CACNA1C: variants seen among roughly 807,000 people sequenced by gnomAD.
The protein encoded by CACNA1C is calcium voltage-gated channel subunit alpha1 C.
Under a neutral mutation model 229.0 loss-of-function variants are expected in CACNA1C, and 30 were observed. The observed-to-expected ratio is 0.13, with a 90% CI of 0.10 to 0.18. CACNA1C has a LOEUF of 0.18. CACNA1C is among the 10% of genes least tolerant of loss of function. CACNA1C has a pLI of 1.00. For synonymous variants in CACNA1C, 1,114 were observed against 1,132.5 expected (o/e 0.98, Z 0.33); for missense variants, 1,658 against 2,845.0 (o/e 0.58, Z 9.49).
At chr12:2,254,025 G>A (rs554520264) in intron 3 of CACNA1C, among the ~76,000 whole-genome samples, 1 of 152,314 alleles carries the variant, frequency 6.6e-6, no homozygotes, top group African/African-American at 2.4e-5. Flanking sequence ...AGGACTGAGG[G>A]TGTGCTGGTG....
intron 1 of CACNA1C, among the ~76,000 whole-genome samples, chr12:2,092,495 C>T (rs1298360111): frequency 3.3e-5 from 5 of 152,124 alleles, no homozygotes; most frequent in East Asian, 3.9e-4. Flanking sequence ...GCACCCTGGA[C>T]GTGGCATTGA....
intron 9 of CACNA1C, among the ~76,000 whole-genome samples, chr12:2,525,949 A>C (rs2099817875): frequency 6.6e-6 from 1 of 152,200 alleles, no homozygotes; most frequent in Non-Finnish European, 1.5e-5. Context: ...AACAACAGAG[A>C]ATCTGCTCAA....
In CACNA1C at chr12:2,689,120, G is replaced by T. The variant is rs1462420247; in HGVS notation, c.6117+341G>T. On this transcript the variant is annotated intron_variant, in intron 46 of 46. Coordinates refer to ENST00000399655, the MANE Select transcript of CACNA1C (RefSeq NM_000719.7). The surrounding 1 kb of genome is among the most constrained non-coding windows in gnomAD (Gnocchi z 4.2). ...CCAAGGTGCTCAGGCCTGACTGCCC[G>T]TGAGCATCACCTGGGGAGCTTTGGA... 1.3e-5 allele frequency among the ~76,000 whole-genome samples: 2 copies of T among 152,172 alleles called. No homozygotes were observed. The highest frequency in any genetic ancestry group is 4.8e-5 in the African/African-American group (2 of 41,446).
chr12:2,565,648 C>T (rs370078619), intron 11 of CACNA1C, among the ~76,000 whole-genome samples: 2 of 152,246 alleles, frequency 1.3e-5, no homozygotes, highest in African/African-American at 4.8e-5. Flanking sequence ...GGGGAAGAGT[C>T]CATGGAGCAT....
At chr12:2,670,121 G>A (rs2096478816) in intron 38 of CACNA1C, among the ~76,000 whole-genome samples, 1 of 152,170 alleles carries the variant, frequency 6.6e-6, no homozygotes, top group Non-Finnish European at 1.5e-5. Context: ...CCAAATCCCT[G>A]AGCATGGGGC....
intron 11 of CACNA1C, among the ~76,000 whole-genome samples, chr12:2,561,126 G>A (rs907745483): frequency 8.5e-5 from 13 of 152,190 alleles, no homozygotes; most frequent in South Asian, 6.2e-4. Context: ...AGGGGTTCCC[G>A]TGCAGGATGG....
intron 6 of CACNA1C, among the ~76,000 whole-genome samples, chr12:2,491,555 T>C (rs2099734051): frequency 7.7e-6 from 1 of 130,396 alleles, no homozygotes; most frequent in East Asian, 2.2e-4. Flanking sequence ...ATGATGACAA[T>C]GAAGAGGAGG....
chr12:1,979,779 TTG>T, intron 1 of CACNA1C, among the ~76,000 whole-genome samples: 1 of 152,356 alleles, frequency 6.6e-6, no homozygotes, highest in East Asian at 1.9e-4. Context: ...TCATTAACAC[TTG>T]TCTTTTTAAT....
chr12:2,330,153 C>G (rs896250631), intron 3 of CACNA1C, among the ~76,000 whole-genome samples: 71 of 152,268 alleles, frequency 4.7e-4, no homozygotes, highest in Admixed American at 1.3e-3. Context: ...TGAATTGCAT[C>G]CTCCCGCCCT....
At chr12:2,385,961 T>G (rs1289349923) in intron 3 of CACNA1C, among the ~76,000 whole-genome samples, 1 of 152,198 alleles carries the variant, frequency 6.6e-6, no homozygotes, top group Non-Finnish European at 1.5e-5. Context: ...TAAATGACCA[T>G]TATTAAAAAT....
chr12:2,052,975 C>A (rs1376297522), upstream of CACNA1C: 1 of 981,712 alleles, frequency 1.0e-6, no homozygotes, highest in Admixed American at 6.3e-5. Context: ...GCGGCGCTCT[C>A]GCGCGCCCGG....
chr12:2,322,367 G>T (rs2096050058), intron 3 of CACNA1C, among the ~76,000 whole-genome samples: 1 of 152,332 alleles, frequency 6.6e-6, no homozygotes, highest in South Asian at 2.1e-4. Flanking sequence ...CCGAGGGCCT[G>T]CCCAGCACAT....
chr12:2,165,817 CTTAG>C (rs960882135), intron 3 of CACNA1C, among the ~76,000 whole-genome samples: 25 of 152,296 alleles, frequency 1.6e-4, no homozygotes, highest in Non-Finnish European at 2.8e-4. Context: ...GTGAGCTAGA[CTTAG>C]TTAGACTTAG....
At chr12:2,289,361 G>T (rs1227188111) in intron 3 of CACNA1C, among the ~76,000 whole-genome samples, 1 of 152,092 alleles carries the variant, frequency 6.6e-6, no homozygotes, top group Non-Finnish European at 1.5e-5. Context: ...GTGGATGGAG[G>T]AGGGAAACTA....
At chr12:2,086,033 C>T (rs1263145509) in intron 1 of CACNA1C, among the ~76,000 whole-genome samples, 1 of 152,220 alleles carries the variant, frequency 6.6e-6, no homozygotes, top group African/African-American at 2.4e-5. Context: ...TTTGGGACTT[C>T]TTCCGCAGAT....
chr12:1,989,695 T>C lies in CACNA1C; in HGVS notation c.139+18494T>C, dbSNP rs755026743. Reference sequence around the variant, plus strand: ...GCCACTGCACTCCAGCCTGGACAAATAGAGCAAGACTCCGTCTCAATTGAA... The same window carrying C: ...GCCACTGCACTCCAGCCTGGACAAACAGAGCAAGACTCCGTCTCAATTGAA... On this transcript the variant is annotated intron_variant, in intron 1 of 46. Transcript: ENST00000682462. Among the ~76,000 whole-genome samples the C allele has an allele frequency of 7.9e-5, 12 of 152,242 alleles. No homozygotes were observed. The South Asian group carries it at 1.9e-3, about 24-fold the overall frequency.
intron 3 of CACNA1C, chr12:2,221,487 C>T (rs1239884520): frequency 6.6e-6 from 1 of 152,066 alleles, no homozygotes; most frequent in African/African-American, 2.4e-5. Flanking sequence ...GGCAGTTGGG[C>T]AAGGAGGCCT....
intron 3 of CACNA1C, among the ~76,000 whole-genome samples, chr12:2,228,004 G>A (rs192847903): frequency 7.2e-5 from 11 of 152,274 alleles, no homozygotes; most frequent in Admixed American, 6.5e-4. Context: ...GTGCTGGAGC[G>A]TCTGCAAGAT....
At chr12:2,052,483 AG>A (rs1455901448), upstream of CACNA1C, among the ~76,000 whole-genome samples, 1 of 151,858 alleles carries the variant, frequency 6.6e-6, no homozygotes, top group Non-Finnish European at 1.5e-5. Context: ...CCGCTCACAG[AG>A]GCCTTCCCGG....
Sources: gnomAD v4.1 joint callset for allele counts (sites outside exome capture counted in the v4.1 genomes callset) on GRCh38, gnomAD v4.1.1 for gene constraint, Gnocchi (gnomAD v3.1) non-coding constraint, MANE v1.5 for transcripts, NCBI Gene and HGNC (gene_info 2026-07-23, HGNC 2026-07-21) for gene names.